Variants in RGS6 observed in about 807,000 individuals in gnomAD.
RGS6 encodes regulator of G-protein signaling 6.
Under a neutral mutation model 78.5 loss-of-function variants are expected in RGS6, and 30 were observed. That is an observed-to-expected ratio of 0.38 (90% confidence interval 0.29 to 0.52). The LOEUF is 0.52. RGS6 is among the 20% of genes least tolerant of loss of function. RGS6 has a pLI of 0.85. For synonymous variants in RGS6, 206 were observed against 206.0 expected, an observed-to-expected ratio of 1.00 and a Z score of 0.00; for missense variants, 495 against 609.7, an observed-to-expected ratio of 0.81 and a Z score of 1.98.
chr14:72,083,290 A>G (rs934381262), intron 2 of RGS6, among the ~76,000 whole-genome samples: 1 of 152,144 alleles, frequency 6.6e-6, no homozygotes, highest in Non-Finnish European at 1.5e-5. Context: ...TCCAGAAGAC[A>G]TTTAGCCAAG....
At chr14:71,940,798 T>C (rs2090407011) in intron 1 of RGS6, among the ~76,000 whole-genome samples, 1 of 152,200 alleles carries the variant, frequency 6.6e-6, no homozygotes, top group African/African-American at 2.4e-5. Flanking sequence ...CAAGTCTATT[T>C]TGCAAGGCAT....
intron 2 of RGS6, among the ~76,000 whole-genome samples, chr14:72,188,967 A>T (rs149636): frequency 6.6e-6 from 1 of 152,084 alleles, no homozygotes; most frequent in African/African-American, 2.4e-5. Context: ...TCATTATTCA[A>T]TAGAACGAGG....
chr14:72,483,093 C>A (rs921139864), intron 12 of RGS6, among the ~76,000 whole-genome samples: 1 of 152,180 alleles, frequency 6.6e-6, no homozygotes, highest in Non-Finnish European at 1.5e-5. Flanking sequence ...GCAAGCGTCC[C>A]CAAGGGAGTC....
chr14:72,312,617 T>C (rs1395435489), intron 2 of RGS6, among the ~76,000 whole-genome samples: 1 of 152,220 alleles, frequency 6.6e-6, no homozygotes, highest in Non-Finnish European at 1.5e-5. Context: ...AACATAGTTA[T>C]GCGTAGGAGT....
At chr14:72,572,886 G>A in the RGS6 span, among the ~76,000 whole-genome samples, 1,070 of 151,674 alleles carry the variant, frequency 7.1e-3, 13 homozygotes, top group African/African-American at 0.024. Flanking sequence ...AAGGAGGGAG[G>A]GAGGGAAACA....
intron 3 of RGS6, among the ~76,000 whole-genome samples, chr14:72,431,936 G>A (rs1322199859): frequency 6.6e-6 from 1 of 152,086 alleles, no homozygotes; most frequent in African/African-American, 2.4e-5. Context: ...TGAATCTGGG[G>A]GTGAAGAGGG....
At position 72,394,400 on chromosome 14, in the gene RGS6, C is replaced by T. The variant is rs372818585; in HGVS notation, c.184+42206C>T. The stretch of plus-strand genomic sequence containing the variant: ...GTGGGGCGAGATCACAGGCCCGGGG[C>T]GAAATTAAAATTGCTAATGAAGTTT... On this transcript the variant is annotated intron_variant, in intron 3 of 17. Transcript: ENST00000553525. Among the ~76,000 whole-genome samples the T allele has an allele frequency of 6.9e-4, 105 of 151,988 alleles. 2 individuals carry two copies. The highest frequency in any genetic ancestry group is 3.4e-3 in the Middle Eastern group (1 of 294).
intron 2 of RGS6, among the ~76,000 whole-genome samples, chr14:72,114,862 G>T (rs1379815216): frequency 6.6e-6 from 1 of 152,156 alleles, no homozygotes; most frequent in Non-Finnish European, 1.5e-5. Context: ...GTGAGAAAGT[G>T]ATTATCTTAT....
chr14:71,924,750 T>C, the RGS6 span, among the ~76,000 whole-genome samples: 7 of 152,238 alleles, frequency 4.6e-5, no homozygotes, highest in South Asian at 2.1e-4. Context: ...TGAATAATAT[T>C]CCATGTATAT....
intron 7 of RGS6, among the ~76,000 whole-genome samples, chr14:72,467,146 T>A (rs2095938802): frequency 6.6e-6 from 1 of 152,158 alleles, no homozygotes; most frequent in South Asian, 2.1e-4. Flanking sequence ...TTTTAACTTT[T>A]GGTTGCAAAA....
At chr14:72,516,342 G>A (rs1422446800) in intron 14 of RGS6, among the ~76,000 whole-genome samples, 3 of 152,210 alleles carry the variant, frequency 2.0e-5, no homozygotes, top group African/African-American at 7.2e-5. Flanking sequence ...GGGAGATGGA[G>A]GAGACCCATG....
At chr14:72,294,404 G>T (rs1453481748) in intron 2 of RGS6, among the ~76,000 whole-genome samples, 2 of 152,180 alleles carry the variant, frequency 1.3e-5, no homozygotes, top group Admixed American at 6.6e-5. Context: ...CCCAAAGAAG[G>T]TGAGTTTATT....
chr14:71,936,003 C>T (rs949455994), intron 1 of RGS6, among the ~76,000 whole-genome samples: 11 of 26,064 alleles, frequency 4.2e-4, no homozygotes, highest in Admixed American at 1.2e-3. Flanking sequence ...CTTAGAGGGA[C>T]AGAACTAATA....
chr14:72,547,284 G>A, intron 17 of RGS6: 1 of 1,535,656 alleles, frequency 6.5e-7, no homozygotes, highest in Non-Finnish European at 8.7e-7. Flanking sequence ...AAGGAGAGGA[G>A]ACCCAACTCT....
At chr14:72,493,052 C>G (rs548359979) in intron 12 of RGS6, among the ~76,000 whole-genome samples, 108 of 152,290 alleles carry the variant, frequency 7.1e-4, no homozygotes, top group Non-Finnish European at 1.3e-3. Context: ...CATTAAAATA[C>G]TGGTAAACTT....
chr14:71,870,012 A>G, the RGS6 span, among the ~76,000 whole-genome samples: 1 of 152,182 alleles, frequency 6.6e-6, no homozygotes, highest in Non-Finnish European at 1.5e-5. Context: ...TATTCATTAC[A>G]AATTACCCAG....
At chr14:72,247,717 C>T (rs2054580208) in intron 2 of RGS6, among the ~76,000 whole-genome samples, 2 of 152,140 alleles carry the variant, frequency 1.3e-5, no homozygotes, top group Non-Finnish European at 2.9e-5. Flanking sequence ...TGGATTAATG[C>T]CATTATCTTG....
At chr14:72,287,619 G>A (rs1271686136) in intron 2 of RGS6, among the ~76,000 whole-genome samples, 1 of 152,042 alleles carries the variant, frequency 6.6e-6, no homozygotes, top group Admixed American at 6.6e-5. Context: ...ACCATGCCTG[G>A]CTAATTTTTT....
intron 1 of RGS6, among the ~76,000 whole-genome samples, chr14:71,943,216 T>C (rs1013894486): frequency 6.6e-6 from 1 of 152,158 alleles, no homozygotes; most frequent in African/African-American, 2.4e-5. Flanking sequence ...ACAACAGGCA[T>C]TTTAAAATCC....
Sources: gnomAD v4.1 joint callset for allele counts (sites outside exome capture counted in the v4.1 genomes callset) on GRCh38, gnomAD v4.1.1 for gene constraint, MANE v1.5 for transcripts, NCBI Gene and HGNC (gene_info 2026-07-23, HGNC 2026-07-21) for gene names.